KCNAB1: variants seen among roughly 807,000 people sequenced by gnomAD.
The protein encoded by KCNAB1 is potassium voltage-gated channel subfamily A regulatory beta subunit 1.
Under a neutral mutation model 64.6 loss-of-function variants are expected in KCNAB1, and 35 were observed. The observed-to-expected ratio is 0.54, with a 90% CI of 0.41 to 0.72. The LOEUF is 0.72. Among genes scored for constraint, KCNAB1 ranks in the 30% least tolerant of loss-of-function variants. The pLI is 0.00. For missense variants in KCNAB1, 401 were observed against 512.9 expected, an observed-to-expected ratio of 0.78 and a Z score of 2.11; for synonymous variants, 177 against 183.8, an observed-to-expected ratio of 0.96 and a Z score of 0.30.
intron 2 of KCNAB1, among the ~76,000 whole-genome samples, chr3:156,424,059 T>C (rs916016275): frequency 6.6e-6 from 1 of 152,072 alleles, no homozygotes; most frequent in African/African-American, 2.4e-5. Context: ...TGGTGGAGAT[T>C]GTATCGAAGA....
Position 156,508,864 on chromosome 3 carries a change from A to G in KCNAB1, c.659-5500A>G, listed in dbSNP as rs1716996805. 1.3e-5 allele frequency among the ~76,000 whole-genome samples: 2 copies of G among 152,212 alleles called. No homozygotes were observed. The highest frequency in any genetic ancestry group is 2.9e-5 in the Non-Finnish European group (2 of 68,038). On this transcript the variant is annotated intron_variant, in intron 8 of 13. Coordinates refer to ENST00000490337, the MANE Select transcript of KCNAB1 (RefSeq NM_172160.3). This position sits in a 1 kb window ranked among gnomAD's most constrained non-coding sequence, Gnocchi z 4.1. ...AGCGCTGGGGAGGCATCATTAGGTT[A>G]AAGAATAATGATTATTTCAACCTGG...
chr3:156,165,537 C>G (rs1298232515), intron 1 of KCNAB1, among the ~76,000 whole-genome samples: 1 of 152,124 alleles, frequency 6.6e-6, no homozygotes, highest in Non-Finnish European at 1.5e-5. Flanking sequence ...AAGAAGGGAG[C>G]AGTCTCCACA....
intron 1 of KCNAB1, among the ~76,000 whole-genome samples, chr3:156,318,240 A>G (rs1722407015): frequency 6.6e-6 from 1 of 152,238 alleles, no homozygotes; most frequent in Non-Finnish European, 1.5e-5. Flanking sequence ...ATGATTTTCT[A>G]TAACATACTT....
At chr3:156,154,790 C>A (rs1715620115) in intron 1 of KCNAB1, among the ~76,000 whole-genome samples, 1 of 152,114 alleles carries the variant, frequency 6.6e-6, no homozygotes, top group Admixed American at 6.5e-5. Context: ...TGGGACTGGG[C>A]AATGGCAGTG....
chr3:156,273,525 A>G (rs756884623), intron 1 of KCNAB1: 4 of 453,666 alleles, frequency 8.8e-6, no homozygotes, highest in South Asian at 3.1e-5. Context: ...CAGTTTTACA[A>G]TTGCTGCACT....
At chr3:156,175,622 A>C (rs1712314665) in intron 1 of KCNAB1, among the ~76,000 whole-genome samples, 1 of 152,210 alleles carries the variant, frequency 6.6e-6, no homozygotes. Flanking sequence ...TGTCTCAAAA[A>C]ACAAAACAAA....
chr3:156,283,285 A>C (rs920623751), intron 1 of KCNAB1, among the ~76,000 whole-genome samples: 1 of 151,502 alleles, frequency 6.6e-6, no homozygotes, highest in East Asian at 1.9e-4. Flanking sequence ...AGAGTGTTGA[A>C]TATTGGCCCC....
chr3:156,201,421 C>T (rs2108378737), intron 1 of KCNAB1, among the ~76,000 whole-genome samples: 1 of 152,362 alleles, frequency 6.6e-6, no homozygotes, highest in South Asian at 2.1e-4. Flanking sequence ...ATCCCACACA[C>T]AACAGTTAAT....
At chr3:156,231,487 T>TCCCCC (rs1716521451) in intron 1 of KCNAB1, among the ~76,000 whole-genome samples, 1 of 18,442 alleles carries the variant, frequency 5.4e-5, no homozygotes, top group East Asian at 2.3e-3. Flanking sequence ...TCCCCTCCCC[T>TCCCCC]CCCCTCCCCT....
intron 2 of KCNAB1, among the ~76,000 whole-genome samples, chr3:156,445,581 T>C (rs955109719): frequency 4.6e-5 from 7 of 152,226 alleles, no homozygotes; most frequent in Non-Finnish European, 8.8e-5. Flanking sequence ...GTTCCACAAA[T>C]GCTCTCTGGT....
intron 1 of KCNAB1, among the ~76,000 whole-genome samples, chr3:156,199,516 T>G (rs191144312): frequency 1.5e-3 from 226 of 152,336 alleles, no homozygotes; most frequent in African/African-American, 5.3e-3. Context: ...TGTTCATTCC[T>G]TTTCATTCTT....
At chr3:156,462,543 A>G (rs1044033619) in intron 5 of KCNAB1, among the ~76,000 whole-genome samples, 1 of 152,148 alleles carries the variant, frequency 6.6e-6, no homozygotes, top group African/African-American at 2.4e-5. Flanking sequence ...CATTATAGTG[A>G]TTCAAATTAC....
At chr3:156,238,848 A>T (rs936218691) in intron 1 of KCNAB1, among the ~76,000 whole-genome samples, 2 of 152,248 alleles carry the variant, frequency 1.3e-5, no homozygotes, top group African/African-American at 4.8e-5. Flanking sequence ...GCTGTAAACC[A>T]GCTAGCTGAC....
chr3:156,181,600 G>A (rs1318211215), intron 1 of KCNAB1, among the ~76,000 whole-genome samples: 1 of 152,194 alleles, frequency 6.6e-6, no homozygotes, highest in African/African-American at 2.4e-5. Flanking sequence ...AGATGAGGAT[G>A]TGAATGAGCA....
At chr3:156,137,905 C>A (rs1490220188) in intron 1 of KCNAB1, among the ~76,000 whole-genome samples, 1 of 152,030 alleles carries the variant, frequency 6.6e-6, no homozygotes, top group East Asian at 1.9e-4. Context: ...CACCCTTTAC[C>A]TTTACTGCTG....
At position 156,235,615 on chromosome 3, in the gene KCNAB1, G is replaced by A. The variant is rs750680253; in HGVS notation, c.275+114729G>A. Reference sequence around the variant, plus strand: ...GAGCCTGTGAAAAGAAATCATCATGGTGGATACCTACCATGGCATACATTA... The same window carrying A: ...GAGCCTGTGAAAAGAAATCATCATGATGGATACCTACCATGGCATACATTA... On this transcript the variant is annotated intron_variant, in intron 1 of 13. Coordinates refer to ENST00000490337, the MANE Select transcript of KCNAB1 (RefSeq NM_172160.3). Among the ~76,000 whole-genome samples the A allele has an allele frequency of 3.9e-5, 6 of 152,184 alleles. 1 individual carries two copies. Among genetic ancestry groups the A allele is most frequent in the Admixed American group, 1.3e-4 (2 of 15,286 alleles).
chr3:156,361,460 G>C, intron 1 of KCNAB1, among the ~76,000 whole-genome samples: 1 of 151,998 alleles, frequency 6.6e-6, no homozygotes, highest in Non-Finnish European at 1.5e-5. Flanking sequence ...TGATATGTGT[G>C]TGTATATATG....
chr3:156,399,737 G>A (rs1713747582), intron 1 of KCNAB1, among the ~76,000 whole-genome samples: 1 of 152,160 alleles, frequency 6.6e-6, no homozygotes, highest in Non-Finnish European at 1.5e-5. Context: ...CTTTGAAAGG[G>A]TAGACCACAA....
intron 1 of KCNAB1, among the ~76,000 whole-genome samples, chr3:156,384,629 G>T (rs1331116411): frequency 6.6e-6 from 1 of 152,222 alleles, no homozygotes; most frequent in African/African-American, 2.4e-5. Flanking sequence ...TAGAGGCAGG[G>T]ATGGTTCATG....
Sources: allele counts gnomAD v4.1 joint callset (sites outside exome capture counted in the v4.1 genomes callset), GRCh38; gene constraint gnomAD v4.1.1; non-coding constraint Gnocchi (gnomAD v3.1); transcripts MANE v1.5; gene names NCBI Gene and HGNC (gene_info 2026-07-23, HGNC 2026-07-21).